IPO7: variants seen among roughly 807,000 people sequenced by gnomAD.
IPO7 encodes importin-7.
In IPO7, 13 loss-of-function variants were observed where a neutral mutation model predicts 136.4. The observed-to-expected ratio is 0.10, with a 90% CI of 0.06 to 0.15. The LOEUF (loss-of-function observed/expected upper bound fraction) is 0.15, where lower values mean the gene tolerates loss of function less well. Among genes scored for constraint, IPO7 ranks in the 10% least tolerant of loss-of-function variants. IPO7 has a pLI of 1.00. For synonymous variants in IPO7, 403 were observed against 404.4 expected (o/e 1.00, Z 0.04); for missense variants, 857 against 1,240.6 (o/e 0.69, Z 4.65).
intron 19 of IPO7, 121 bp from the exon 20 acceptor site, chr11:9,436,150 T>G: frequency 1.6e-6 from 1 of 634,138 alleles, no homozygotes; most frequent in South Asian, 1.9e-5. Flanking sequence ...TTATTCATAT[T>G]AATTAGGGTA....
At chr11:9,422,410 T>TG (rs1564999386) in intron 8 of IPO7, among the ~76,000 whole-genome samples, 4 of 151,322 alleles carry the variant, frequency 2.6e-5, no homozygotes, top group African/African-American at 9.7e-5. Flanking sequence ...ACAGTTTTGT[T>TG]TTTTTTTTTA....
intron 1 of IPO7, among the ~76,000 whole-genome samples, chr11:9,401,742 ATTG>A (rs1452668929): frequency 6.6e-6 from 1 of 152,102 alleles, no homozygotes; most frequent in Non-Finnish European, 1.5e-5. Flanking sequence ...TATATAGTCT[ATTG>A]TTTTATTGTA....
chr11:9,443,419 C>G (rs1415562647), intron 24 of IPO7, among the ~76,000 whole-genome samples: 2 of 148,948 alleles, frequency 1.3e-5, no homozygotes, highest in East Asian at 4.0e-4. Flanking sequence ...GTGGAGAAAC[C>G]CCATCTCTAC....
chr11:9,434,457 A>G (rs1565003231), intron 18 of IPO7, among the ~76,000 whole-genome samples: 1 of 152,176 alleles, frequency 6.6e-6, no homozygotes, highest in Non-Finnish European at 1.5e-5. Flanking sequence ...AATCACTTTA[A>G]TAATAGGTTC....
intron 24 of IPO7, 121 bp from the exon 25 acceptor site, chr11:9,444,976 G>T: frequency 3.0e-6 from 2 of 657,620 alleles, no homozygotes; most frequent in East Asian, 5.4e-5. Flanking sequence ...AGAAATCATG[G>T]ATTTTGGAAC....
chr11:9,408,427 G>C (rs548646352), intron 2 of IPO7, 59 bp from the exon 3 acceptor site: 6 of 1,148,546 alleles, frequency 5.2e-6, no homozygotes, highest in Non-Finnish European at 7.0e-6. Context: ...GGACACTTGT[G>C]GGATTTTCAC....
rs1270085929 is a variant in IPO7 at position 9,429,852 on chromosome 11, A to AC, written c.1752+20dup. 1.9e-6 allele frequency: 3 copies of AC among 1,553,766 alleles called. No individual in the cohort carries two copies. Among genetic ancestry groups the AC allele is most frequent in the Middle Eastern group, 1.8e-4 (1 of 5,648 alleles). ...AACATTTGGTATGTTGTTTGAACCT[A>AC]CCATATTTGCAAGCATTTTAATGTA... On this transcript the variant is annotated intron_variant, in intron 15 of 24. Transcript: ENST00000379719.
Position 9,411,694 on chromosome 11 carries a change from A to G in IPO7, c.479+1608A>G, listed in dbSNP as rs181400194. Among the ~76,000 whole-genome samples the G allele has an allele frequency of 2.8e-3, 421 of 152,260 alleles. 2 individuals carry two copies. The highest frequency in any genetic ancestry group is 6.9e-3 in the Admixed American group (105 of 15,288). ...GACTAGTATTTAAGGATTTTCTATG[A>G]GTATGGTTCTGCAGTTTGACACATC... On this transcript the variant is annotated intron_variant, in intron 4 of 24. Coordinates refer to ENST00000379719, the MANE Select transcript of IPO7 (RefSeq NM_006391.3).
intron 6 of IPO7, among the ~76,000 whole-genome samples, chr11:9,419,503 G>T (rs1306993526): frequency 6.9e-6 from 1 of 144,936 alleles, no homozygotes; most frequent in Admixed American, 7.1e-5. Context: ...AGCCGAGATT[G>T]TGCCACTGCA....
intron 24 of IPO7, among the ~76,000 whole-genome samples, chr11:9,443,113 C>G (rs1855481021): frequency 6.6e-6 from 1 of 150,554 alleles, no homozygotes; most frequent in Non-Finnish European, 1.5e-5. Flanking sequence ...CTGGGGCAGG[C>G]AAGTCCTTGA....
intron 6 of IPO7, among the ~76,000 whole-genome samples, chr11:9,420,001 C>G (rs1379087343): frequency 1.3e-5 from 2 of 152,126 alleles, no homozygotes; most frequent in African/African-American, 4.8e-5. Flanking sequence ...AGGGTTAATA[C>G]TTTTCCAAGT....
intron 19 of IPO7, 46 bp from the exon 20 acceptor site, chr11:9,436,225 T>G: frequency 7.5e-7 from 1 of 1,334,522 alleles, no homozygotes; most frequent in South Asian, 1.2e-5. Flanking sequence ...AGATACCTGA[T>G]TTAAAGGATA....
intron 10 of IPO7, 72 bp from the exon 11 acceptor site, chr11:9,424,842 A>G: frequency 1.0e-6 from 1 of 982,578 alleles, no homozygotes; most frequent in Non-Finnish European, 1.6e-6. Context: ...TTATGTAAAG[A>G]TTAAGCATGT....
intron 23 of IPO7, among the ~76,000 whole-genome samples, chr11:9,441,457 A>G (rs997023907): frequency 6.6e-6 from 1 of 152,208 alleles, no homozygotes; most frequent in Admixed American, 6.5e-5. Flanking sequence ...ATCATTTCCT[A>G]TGCACTGGGA....
chr11:9,436,869 T>TATATATATATATATA (rs1491472277), intron 20 of IPO7, among the ~76,000 whole-genome samples: 24 of 13,586 alleles, frequency 1.8e-3, no homozygotes, highest in East Asian at 0.011. Flanking sequence ...TATATATATA[T>TATATATATATATATA]TTTTTTTTTT....
At position 9,428,618 on chromosome 11, in the gene IPO7, A is replaced by C. The variant is rs370206036; in HGVS notation, c.1414A>C (p.Met472Leu). Residue 472 changes from methionine to leucine, a missense_variant, in exon 13 of 25, where the codon ATG becomes CTG. By Grantham distance (15) the Met-to-Leu change is conservative. Around this residue, in one of 11 missense-constraint regions of IPO7, gnomAD observed 127 missense variants for 222.4 expected, o/e 0.57. Coordinates refer to ENST00000379719, the MANE Select transcript of IPO7 (RefSeq NM_006391.3). ...TCTCTTCAGCAGTGAACTAGGCTAC[A>C]TGAGAGCAAGGGTATGTTTTAAAGC... ...FPLFSSELGYMRARACWVLHY... is the reference protein window; with the variant it reads ...FPLFSSELGYLRARACWVLHY... 1 of 1,548,532 alleles carries C rather than the reference A, an allele frequency of 6.5e-7. No homozygotes were observed. Among genetic ancestry groups the C allele is most frequent in the African/African-American group, 1.4e-5 (1 of 73,398 alleles).
In IPO7 at chr11:9,420,791, G is replaced by T. The variant is rs1855116015; in HGVS notation, c.906+93G>T. The T allele has an allele frequency of 3.6e-6, 3 of 840,832 alleles. No individual in the cohort carries two copies. The Admixed American group carries it at 6.3e-5, about 18-fold the overall frequency. The allele number at this position is 840,832 out of a possible 1,614,324, so 52.1% of individuals were successfully genotyped here. On this transcript the variant is annotated intron_variant, in intron 8 of 24. Coordinates refer to ENST00000379719, the MANE Select transcript of IPO7 (RefSeq NM_006391.3). ...TCCCAGTTTCTTTGACATCTAAAGA[G>T]TGCCTGTTTGGACCCTGTACCAGGT...
rs142156775 is a variant in IPO7, at chr11:9,441,510, C to G, written c.2903-571C>G. 1.5e-3 allele frequency among the ~76,000 whole-genome samples: 222 copies of G among 152,188 alleles called. 1 individual carries two copies. The highest frequency in any genetic ancestry group is 5.2e-3 in the African/African-American group (215 of 41,524). ...TTGATAGAATACATTATCTGATAAC[C>G]AAGGATTTGAGTCTTCTAAGCCCAT... On this transcript the variant is annotated intron_variant, in intron 23 of 24. Coordinates refer to ENST00000379719, the MANE Select transcript of IPO7 (RefSeq NM_006391.3).
rs773806939 is a variant in IPO7 at position 9,436,399 on chromosome 11, AG to A, written c.2268+37del. On this transcript the variant is annotated intron_variant, in intron 20 of 24. Coordinates refer to ENST00000379719, the MANE Select transcript of IPO7 (RefSeq NM_006391.3). Reference sequence around the variant, plus strand: ...AAGCTAATAATGATTTGTAGTTCAGAGGGGTAATCTTTTCCTTCCACTTTCT... The same window carrying A: ...AAGCTAATAATGATTTGTAGTTCAGAGGGTAATCTTTTCCTTCCACTTTCT... The A allele has an allele frequency of 1.0e-4, 142 of 1,400,852 alleles. 1 individual carries two copies. Among genetic ancestry groups the A allele is most frequent in the South Asian group, 2.4e-5 (2 of 82,332 alleles). The allele number at this position is 1,400,852 out of a possible 1,614,324, so 86.8% of individuals were successfully genotyped here.
Sources: gnomAD v4.1 joint callset for allele counts (sites outside exome capture counted in the v4.1 genomes callset) on GRCh38, gnomAD v4.1.1 for gene constraint, gnomAD v4.1.1 regional missense constraint, MANE v1.5 for transcripts, NCBI Gene and HGNC (gene_info 2026-07-23, HGNC 2026-07-21) for gene names.